TFDP1: variants seen among roughly 807,000 people sequenced by gnomAD.
TFDP1 encodes DRTF1-polypeptide 1.
A neutral mutation model predicts 48.0 loss-of-function variants in TFDP1; 6 were observed. That is an observed-to-expected ratio of 0.13 (90% confidence interval 0.07 to 0.25). The LOEUF (loss-of-function observed/expected upper bound fraction) is 0.25, where lower values mean the gene tolerates loss of function less well. Among genes scored for constraint, TFDP1 ranks in the 10% least tolerant of loss-of-function variants. The probability of loss-of-function intolerance (pLI) is 1.00; values close to 1 mark genes in which losing one functional copy is unlikely to be tolerated. For missense variants in TFDP1, 335 were observed against 543.0 expected, an observed-to-expected ratio of 0.62 and a Z score of 3.81; for synonymous variants, 201 against 211.6, an observed-to-expected ratio of 0.95 and a Z score of 0.44.
chr13:113,631,054 A>C (rs2049322976), intron 4 of TFDP1, among the ~76,000 whole-genome samples: 1 of 152,222 alleles, frequency 6.6e-6, no homozygotes, highest in Non-Finnish European at 1.5e-5. Flanking sequence ...GCACAGGGTT[A>C]CCAGGTGATG....
intron 3 of TFDP1, among the ~76,000 whole-genome samples, chr13:113,622,493 CTTTG>C (rs1245615775): frequency 2.0e-5 from 3 of 152,198 alleles, no homozygotes; most frequent in Non-Finnish European, 4.4e-5. Context: ...TTTACGGTTT[CTTTG>C]TTTAGTTCTC....
Position 113,627,221 on chromosome 13 carries a change from C to T in TFDP1, c.186+3935C>T, listed in dbSNP as rs2049203200. Among the ~76,000 whole-genome samples, 1 of 152,206 alleles carries T rather than the reference C, an allele frequency of 6.6e-6. No individual in the cohort carries two copies. The highest frequency in any genetic ancestry group is 1.5e-5 in the Non-Finnish European group (1 of 68,032). On this transcript the variant is annotated intron_variant, in intron 4 of 11. Transcript: ENST00000375370. The surrounding 1 kb of genome is among the most constrained non-coding windows in gnomAD (Gnocchi z 4.1). ...AGGTCCTTAGGTCTCTGACCTGCAC[C>T]AGTCAGCAGGCGCAGGGCTTGTCAA...
intron 3 of TFDP1, among the ~76,000 whole-genome samples, chr13:113,613,434 C>G (rs1309637604): frequency 6.6e-6 from 1 of 152,200 alleles, no homozygotes; most frequent in Non-Finnish European, 1.5e-5. Flanking sequence ...AGGTGAGCAC[C>G]AATGTTCACT....
intron 2 of TFDP1, among the ~76,000 whole-genome samples, chr13:113,603,290 G>T (rs949909992): frequency 2.6e-5 from 4 of 152,218 alleles, no homozygotes; most frequent in Admixed American, 2.0e-4. Flanking sequence ...GGTCTCTAGG[G>T]CTTGTGTGTC....
rs1347697186 is a variant in TFDP1, at chr13:113,613,680, TGA to T, written c.79+2620_79+2621del. Among the ~76,000 whole-genome samples, 16 of 148,038 alleles carry T rather than the reference TGA, an allele frequency of 1.1e-4. No homozygotes were observed. In the East Asian group the frequency reaches 1.8e-3, roughly 17 times the overall value. On this transcript the variant is annotated intron_variant, in intron 3 of 11. Transcript: ENST00000375370. ...GCGTGGGTATGAGTGTGTGTGTGCA[TGA>T]GTGTGTGTGTGTATGCGTGAATGCG...
At position 113,633,311 on chromosome 13, in the gene TFDP1, G is replaced by A. The variant is rs368788820; in HGVS notation, c.474+26G>A. 2.0e-5 allele frequency: 32 copies of A among 1,605,084 alleles called. No individual in the cohort carries two copies. The African/African-American group carries it at 4.0e-4, about 20-fold the overall frequency. On this transcript the variant is annotated intron_variant, in intron 6 of 11. Transcript: ENST00000375370. This position sits in a 1 kb window ranked among gnomAD's most constrained non-coding sequence, Gnocchi z 4.5. Reference sequence around the variant, plus strand: ...GTAAGTGTGTGCCGGGGGCCGAGAGGCTGGGGTGGCGGAGCCCAGCGGTGT... The same window carrying A: ...GTAAGTGTGTGCCGGGGGCCGAGAGACTGGGGTGGCGGAGCCCAGCGGTGT...
At chr13:113,591,422 C>G (rs1405194485) in intron 2 of TFDP1, among the ~76,000 whole-genome samples, 1 of 151,474 alleles carries the variant, frequency 6.6e-6, no homozygotes, top group East Asian at 1.9e-4. Context: ...GTATAAAATT[C>G]AAAGAATAAA....
intron 3 of TFDP1, among the ~76,000 whole-genome samples, chr13:113,617,615 C>A (rs1321399449): frequency 1.5e-5 from 2 of 134,142 alleles, no homozygotes; most frequent in Non-Finnish European, 3.4e-5. Flanking sequence ...GAACCCTTCA[C>A]CTGCAGAGCC....
Position 113,633,009 on chromosome 13 carries a change from G to T in TFDP1, c.309-111G>T, listed in dbSNP as rs1225498357. On this transcript the variant is annotated intron_variant, in intron 5 of 11. Transcript: ENST00000375370. The surrounding 1 kb of genome is among the most constrained non-coding windows in gnomAD (Gnocchi z 4.5). ...GTTGGATCTGCTGCGCCCGTGGGAC[G>T]TGGCCCCTTTTTGTGCAGCTCATTA... 1 of 1,371,222 alleles carries T rather than the reference G, an allele frequency of 7.3e-7. No individual in the cohort carries two copies. Among genetic ancestry groups the T allele is most frequent in the Non-Finnish European group, 1.0e-6 (1 of 996,878 alleles). 84.9% of individuals were successfully genotyped at this position (1,371,222 alleles called of 1,614,324 possible).
intron 4 of TFDP1, 51 bp from the exon 5 acceptor site, chr13:113,631,572 C>A: frequency 6.3e-7 from 1 of 1,579,818 alleles, no homozygotes; most frequent in Admixed American, 1.9e-5. Flanking sequence ...GCATGGCACC[C>A]TCGCCGTGTG....
chr13:113,605,385 A>G (rs2048538505), intron 2 of TFDP1, among the ~76,000 whole-genome samples: 2 of 152,132 alleles, frequency 1.3e-5, no homozygotes, highest in Admixed American at 1.3e-4. Context: ...TTAATGTTCT[A>G]GAGAAAACTC....
In TFDP1 at chr13:113,617,465, C is replaced by T. The variant is rs906533876; in HGVS notation, c.80-5715C>T. ...CTGCAGAGCCGCTCACCTGCAGAACCGTTCACCTGCAGAGCCCTTCACCTG... is the reference window on the plus strand; with the variant it reads ...CTGCAGAGCCGCTCACCTGCAGAACTGTTCACCTGCAGAGCCCTTCACCTG... On this transcript the variant is annotated intron_variant, in intron 3 of 11. Coordinates refer to ENST00000375370, the MANE Select transcript of TFDP1 (RefSeq NM_007111.5). 5.5e-4 allele frequency among the ~76,000 whole-genome samples: 74 copies of T among 134,104 alleles called. No individual in the cohort carries two copies. The East Asian group carries it at 0.01, about 19-fold the overall frequency. 88.0% of individuals were successfully genotyped at this position (134,104 alleles called of 152,430 possible).
chr13:113,628,258 T>C (rs1311776714), intron 4 of TFDP1, among the ~76,000 whole-genome samples: 1 of 152,048 alleles, frequency 6.6e-6, no homozygotes, highest in African/African-American at 2.4e-5. Flanking sequence ...AGACTGTGTC[T>C]GAAGCCGTGT....
At chr13:113,609,194 TA>T (rs1475500068) in intron 2 of TFDP1, among the ~76,000 whole-genome samples, 1 of 152,196 alleles carries the variant, frequency 6.6e-6, no homozygotes, top group Non-Finnish European at 1.5e-5. Context: ...TTTTCCTTGA[TA>T]TTGCGTCACA....
chr13:113,585,115 C>T (rs867790684), intron 1 of TFDP1, among the ~76,000 whole-genome samples: 5,172 of 146,878 alleles, frequency 0.035, 286 homozygotes, highest in African/African-American at 0.11. Context: ...CCCGGCCCTC[C>T]CGGCCGACAG....
intron 2 of TFDP1, 21 bp downstream of exon 2, chr13:113,585,870 C>T: frequency 6.3e-7 from 1 of 1,599,756 alleles, no homozygotes; most frequent in Non-Finnish European, 8.6e-7. Context: ...TTGCTTCATG[C>T]TGCACACGAA....
At chr13:113,637,734 A>T in intron 10 of TFDP1, 84 bp from the exon 11 acceptor site, 1 of 1,610,830 alleles carries the variant, frequency 6.2e-7, no homozygotes, top group Non-Finnish European at 8.5e-7. Flanking sequence ...GTCCTGTGGA[A>T]CTGCGCGTCA....
At chr13:113,596,166 C>G (rs553784171) in intron 2 of TFDP1, among the ~76,000 whole-genome samples, 56 of 152,242 alleles carry the variant, frequency 3.7e-4, no homozygotes, top group African/African-American at 9.9e-4. Context: ...TAAGAAAAAT[C>G]AAGGCTTGAA....
rs1239998032 is a variant in TFDP1 at position 113,641,356 on chromosome 13, A to T, written c.*1089A>T. ...CTAAAACGATAGTCTTTTTATTGAA[A>T]CACAAATAAACTTTTCTGTAATATT... On this transcript the variant is annotated 3_prime_UTR_variant, in exon 12 of 12. Coordinates refer to ENST00000375370, the MANE Select transcript of TFDP1 (RefSeq NM_007111.5). 1 of 152,254 alleles carries T rather than the reference A, an allele frequency of 6.6e-6. No individual in the cohort carries two copies. The highest frequency in any genetic ancestry group is 1.5e-5 in the Non-Finnish European group (1 of 68,036). 9.4% of individuals were successfully genotyped at this position (152,254 alleles called of 1,614,324 possible).
Sources: allele counts gnomAD v4.1 joint callset (sites outside exome capture counted in the v4.1 genomes callset), GRCh38; gene constraint gnomAD v4.1.1; non-coding constraint Gnocchi (gnomAD v3.1); transcripts MANE v1.5; gene names NCBI Gene and HGNC (gene_info 2026-07-23, HGNC 2026-07-21).